CRYZL1: variants seen among roughly 807,000 people sequenced by gnomAD.
CRYZL1 encodes ferry endosomal RAB5 effector complex subunit 4.
Under a neutral mutation model 50.6 loss-of-function variants are expected in CRYZL1, and 34 were observed. The ratio of observed to expected loss-of-function variants is 0.67; its 90% CI spans 0.51 to 0.89. The LOEUF (loss-of-function observed/expected upper bound fraction) is 0.89, where lower values mean the gene tolerates loss of function less well. Among genes scored for constraint, CRYZL1 ranks in the 40% least tolerant of loss-of-function variants. The pLI, the probability that CRYZL1 is intolerant of heterozygous loss-of-function variation, is 0.00. For missense variants in CRYZL1, 354 were observed against 402.3 expected (o/e 0.88, Z 1.03); for synonymous variants, 125 against 134.3 (o/e 0.93, Z 0.48).
intron 1 of CRYZL1, among the ~76,000 whole-genome samples, chr21:33,636,079 TTACTATA>T (rs1166700498): frequency 6.6e-6 from 1 of 152,190 alleles, no homozygotes; most frequent in African/African-American, 2.4e-5. Context: ...ACTATAAATT[TTACTATA>T]CCAAAAAAGT....
intron 1 of CRYZL1, among the ~76,000 whole-genome samples, chr21:33,632,310 G>C (rs57097679): frequency 1 from 152,080 of 152,080 alleles, 76,040 homozygotes; most frequent in Non-Finnish European, 1. Flanking sequence ...TCAGCCTGGG[G>C]AACAAGAGCG....
At chr21:33,626,019 T>C (rs1042977568) in intron 2 of CRYZL1, among the ~76,000 whole-genome samples, 1 of 151,462 alleles carries the variant, frequency 6.6e-6, no homozygotes, top group Non-Finnish European at 1.5e-5. Context: ...AGTGGCGCAA[T>C]CTCAGCTCAC....
chr21:33,609,043 T>G (rs2086842891), intron 6 of CRYZL1, among the ~76,000 whole-genome samples: 1 of 152,264 alleles, frequency 6.6e-6, no homozygotes, highest in Admixed American at 6.5e-5. Flanking sequence ...ACAGCTATTC[T>G]GACAGGTATG....
chr21:33,601,686 G>T lies in CRYZL1; in HGVS notation c.577+548C>A, dbSNP rs117494770. 0.012 allele frequency among the ~76,000 whole-genome samples: 1,880 copies of T among 152,290 alleles called. 117 individuals carry two copies. The East Asian group carries it at 0.17, about 14-fold the overall frequency. On this transcript the variant is annotated intron_variant, in intron 8 of 12. Coordinates refer to ENST00000381554, the MANE Select transcript of CRYZL1 (RefSeq NM_145858.3). ...AATTCCAGCACTTTGGGAGGCCAAGGTGGGTGCATTGCTTGAGCTCAGAAG... is the reference window on the plus strand; with the variant it reads ...AATTCCAGCACTTTGGGAGGCCAAGTTGGGTGCATTGCTTGAGCTCAGAAG...
chr21:33,635,936 G>A (rs1360712521), intron 1 of CRYZL1, among the ~76,000 whole-genome samples: 1 of 151,976 alleles, frequency 6.6e-6, no homozygotes, highest in African/African-American at 2.4e-5. Context: ...AGCTGAGATC[G>A]CGCCACTGCA....
At chr21:33,637,395 A>T (rs2145966763) in intron 1 of CRYZL1, among the ~76,000 whole-genome samples, 2 of 150,348 alleles carry the variant, frequency 1.3e-5, no homozygotes, top group Middle Eastern at 6.9e-3. Context: ...CAGTGAGCCG[A>T]GATCGCGCCA....
chr21:33,605,527 A>ATTTTTTTTTTTTTTT (rs1555904645), intron 6 of CRYZL1, among the ~76,000 whole-genome samples: 3 of 14,840 alleles, frequency 2.0e-4, no homozygotes, highest in Non-Finnish European at 3.3e-4. Context: ...CAGTACAAGA[A>ATTTTTTTTTTTTTTT]TTCTTTTTTT....
intron 4 of CRYZL1, among the ~76,000 whole-genome samples, chr21:33,620,340 T>TAA (rs2086979907): frequency 6.6e-6 from 1 of 152,194 alleles, no homozygotes; most frequent in Non-Finnish European, 1.5e-5. Context: ...ATGCCTGATA[T>TAA]AAGGCTTACT....
At chr21:33,599,429 C>T in intron 8 of CRYZL1, 181 bp from the exon 9 acceptor site, 1 of 788,084 alleles carries the variant, frequency 1.3e-6, no homozygotes, top group South Asian at 1.6e-5. Context: ...CTCATCTAAC[C>T]CAATATGGGA....
intron 6 of CRYZL1, among the ~76,000 whole-genome samples, chr21:33,608,139 T>G (rs888445573): frequency 2.0e-5 from 3 of 152,190 alleles, no homozygotes; most frequent in African/African-American, 7.2e-5. Context: ...CTCACCATGC[T>G]GTGCAAAGAA....
At chr21:33,612,162 G>C (rs2086878862) in intron 6 of CRYZL1, among the ~76,000 whole-genome samples, 2 of 152,076 alleles carry the variant, frequency 1.3e-5, no homozygotes, top group Non-Finnish European at 2.9e-5. Flanking sequence ...GAATTACTAG[G>C]TCTGGTATAT....
In CRYZL1 at chr21:33,589,658, C is replaced by T; in HGVS notation, c.*164G>A. The T allele has an allele frequency of 7.1e-6, 4 of 564,088 alleles. No homozygotes were observed. The highest frequency in any genetic ancestry group is 6.0e-5 in the East Asian group (2 of 33,394). The allele number at this position is 564,088 out of a possible 1,614,324, so 34.9% of individuals were successfully genotyped here. A position where few individuals can be genotyped will look rare whatever the true frequency, so the allele number is the denominator to read the frequency against. The stretch of plus-strand genomic sequence containing the variant: ...ATCATTTGCACAAGAATTTTTCAAA[C>T]ACTTTTCAAATGTGTCAACTGAGCA... On this transcript the variant is annotated 3_prime_UTR_variant, in exon 13 of 13. Transcript: ENST00000381554.
intron 6 of CRYZL1, among the ~76,000 whole-genome samples, chr21:33,605,748 T>C (rs937725921): frequency 6.6e-6 from 1 of 151,882 alleles, no homozygotes; most frequent in African/African-American, 2.4e-5. Flanking sequence ...GGTCTCGAAC[T>C]CCTGACCTCA....
chr21:33,591,572 T>G, intron 11 of CRYZL1: 1 of 256,710 alleles, frequency 3.9e-6, no homozygotes, highest in South Asian at 6.7e-5. Flanking sequence ...TTTTAGCACG[T>G]ATATATCTTA....
intron 2 of CRYZL1, among the ~76,000 whole-genome samples, 192 bp downstream of exon 2, chr21:33,631,290 AAAAC>A (rs2087134660): frequency 6.6e-6 from 1 of 152,230 alleles, no homozygotes; most frequent in Non-Finnish European, 1.5e-5. Context: ...AAAACAAAAT[AAAAC>A]TTAAAAAATA....
chr21:33,607,776 G>A (rs1045736336), intron 6 of CRYZL1, among the ~76,000 whole-genome samples: 1 of 152,152 alleles, frequency 6.6e-6, no homozygotes, highest in Non-Finnish European at 1.5e-5. Flanking sequence ...CAAACTTGCC[G>A]GGAAACTGAA....
chr21:33,591,905 C>T (rs754928433), intron 11 of CRYZL1, among the ~76,000 whole-genome samples: 3 of 150,640 alleles, frequency 2.0e-5, no homozygotes, highest in Non-Finnish European at 4.4e-5. Flanking sequence ...TTACAGTGAG[C>T]TGGAATGAGC....
intron 1 of CRYZL1, chr21:33,640,127 A>T: frequency 1.3e-6 from 2 of 1,545,486 alleles, no homozygotes; most frequent in Middle Eastern, 1.8e-4. Flanking sequence ...CGCTCGGCCA[A>T]TATGTGTATT....
intron 9 of CRYZL1, 25 bp from the exon 10 acceptor site, chr21:33,597,426 AAG>A (rs776726495): frequency 9.4e-6 from 14 of 1,487,304 alleles, no homozygotes; most frequent in Non-Finnish European, 1.2e-5. Context: ...GTTTTAAAAA[AAG>A]AGAGAGAGAA....
Sources: gnomAD v4.1 joint callset for allele counts (sites outside exome capture counted in the v4.1 genomes callset) on GRCh38, gnomAD v4.1.1 for gene constraint, MANE v1.5 for transcripts, NCBI Gene and HGNC (gene_info 2026-07-23, HGNC 2026-07-21) for gene names.